Variants in EXOC7 observed in about 807,000 individuals in gnomAD.
EXOC7 encodes exocyst complex component Exo70.
EXOC7 carries 51 observed loss-of-function variants against 87.6 expected under a neutral mutation model. That is an observed-to-expected ratio of 0.58 (90% CI 0.46 to 0.73). EXOC7 has a LOEUF of 0.73. Among genes scored for constraint, EXOC7 ranks in the 30% least tolerant of loss-of-function variants. The probability of loss-of-function intolerance (pLI) is 0.00; values close to 1 mark genes in which losing one functional copy is unlikely to be tolerated. For missense variants in EXOC7, 744 were observed against 888.4 expected (o/e 0.84, Z 2.07); for synonymous variants, 327 against 357.1 (o/e 0.92, Z 0.95).
At chr17:76,101,642 G>A (rs1435817583) in intron 3 of EXOC7, 37 bp downstream of exon 3, 1 of 1,577,972 alleles carries the variant, frequency 6.3e-7, no homozygotes, top group Non-Finnish European at 8.6e-7. Context: ...GGCCCAGGAG[G>A]CATTAGGAAT....
chr17:76,102,493 G>C (rs1284194342), intron 2 of EXOC7, among the ~76,000 whole-genome samples: 1 of 151,670 alleles, frequency 6.6e-6, no homozygotes, highest in Non-Finnish European at 1.5e-5. Flanking sequence ...TACAGTCCCA[G>C]CTGCTAGGAG....
At chr17:76,100,897 C>A (rs2068026463) in intron 4 of EXOC7, 2 of 154,482 alleles carry the variant, frequency 1.3e-5, no homozygotes, top group South Asian at 4.1e-4. Flanking sequence ...GGGAGAATCA[C>A]ATGGACCTGG....
intron 4 of EXOC7, among the ~76,000 whole-genome samples, chr17:76,100,801 C>T (rs965984128): frequency 6.6e-6 from 1 of 151,884 alleles, no homozygotes. Flanking sequence ...GCCAACATGG[C>T]GAAACCCCGT....
rs376255016 is a variant in EXOC7, at chr17:76,083,674, C to T, written c.2029G>A (p.Asp677Asn). 19 of 1,613,718 alleles carry T rather than the reference C, an allele frequency of 1.2e-5. No individual in the cohort carries two copies. The highest frequency in any genetic ancestry group is 2.2e-5 in the East Asian group (1 of 44,886). The change falls in exon 19 of 19, where the codon GAT becomes AAT. Residue 677 changes from aspartate to asparagine, a missense_variant. Coordinates refer to ENST00000589210, the MANE Select transcript of EXOC7 (RefSeq NM_001013839.4). ...CAGGCAGAGGTGTCGAAAAGGCGAT[C>T]GATCATGTCGCCCACCTGCTCCACC... ...YGVEQVGDMI[D>N]RLFDTSA
In EXOC7 at chr17:76,081,288, A is replaced by AC; in HGVS notation, c.*2359_*2360insG. Reference sequence around the variant, plus strand: ...ATTCCCACCCCTCAGCGATGGAGTTAGAGTTCCAGGCCCACGTGGTGAACG... The same window carrying AC: ...ATTCCCACCCCTCAGCGATGGAGTTACGAGTTCCAGGCCCACGTGGTGAACG... On this transcript the variant is annotated 3_prime_UTR_variant, in exon 19 of 19. Coordinates refer to ENST00000589210, the MANE Select transcript of EXOC7 (RefSeq NM_001013839.4). The AC allele has an allele frequency of 6.2e-7, 1 of 1,613,908 alleles. No homozygotes were observed. The highest frequency in any genetic ancestry group is 8.5e-7 in the Non-Finnish European group (1 of 1,179,992).
chr17:76,085,194 G>T, intron 15 of EXOC7, 120 bp downstream of exon 15: 1 of 797,194 alleles, frequency 1.3e-6, no homozygotes, highest in Non-Finnish European at 2.0e-6. Context: ...CCAAGTGGAG[G>T]ATTAGGGTCC....
chr17:76,082,751 T>C lies in EXOC7; in HGVS notation c.*897A>G. The stretch of plus-strand genomic sequence containing the variant: ...GCCTCTGGATTAAGCCACCCTGAGC[T>C]CTCCCTCCGCTAGCACACAAGCACA... On this transcript the variant is annotated 3_prime_UTR_variant, in exon 19 of 19. Coordinates refer to ENST00000589210, the MANE Select transcript of EXOC7 (RefSeq NM_001013839.4). The C allele has an allele frequency of 8.3e-7, 1 of 1,207,848 alleles. No homozygotes were observed. Among genetic ancestry groups the C allele is most frequent in the Non-Finnish European group, 1.1e-6 (1 of 889,372 alleles). The allele number at this position is 1,207,848 out of a possible 1,614,324, so 74.8% of individuals were successfully genotyped here. A position where few individuals can be genotyped will look rare whatever the true frequency, so the allele number is the denominator to read the frequency against.
At chr17:76,086,609 C>G (rs1372743206) in intron 12 of EXOC7, among the ~76,000 whole-genome samples, 1 of 152,144 alleles carries the variant, frequency 6.6e-6, no homozygotes, top group Non-Finnish European at 1.5e-5. Flanking sequence ...CGAGTGGGGA[C>G]AGCAAGGCAG....
At chr17:76,086,846 C>T (rs1455589111) in intron 12 of EXOC7, 5 of 1,551,274 alleles carry the variant, frequency 3.2e-6, no homozygotes, top group East Asian at 2.4e-5. Context: ...CAGAACCGCA[C>T]TGCTTACCTC....
rs1485685073 is a variant in EXOC7, at chr17:76,084,535, C to A, written c.1758G>T (p.Val586=). 1 of 1,613,988 alleles carries A rather than the reference C, an allele frequency of 6.2e-7. No homozygotes were observed. The highest frequency in any genetic ancestry group is 8.5e-7 in the Non-Finnish European group (1 of 1,180,024). The change falls in exon 16 of 19, where the codon GTG becomes GTT. Residue 586 remains valine, a synonymous_variant. Coordinates refer to ENST00000589210, the MANE Select transcript of EXOC7 (RefSeq NM_001013839.4). The stretch of plus-strand genomic sequence containing the variant: ...AGCCCACCTTGACTCCCGGCTGGAA[C>A]ACAGGTAGATTCTTCTCTGCGATGT... The part of the protein sequence containing the change: ...TDYIAEKNLP[V]FQPGVKLRDK...
intron 4 of EXOC7, among the ~76,000 whole-genome samples, chr17:76,099,524 C>CA (rs1598345591): frequency 6.6e-6 from 1 of 151,704 alleles, no homozygotes; most frequent in South Asian, 2.1e-4. Context: ...CAAAACAAAA[C>CA]AAAAAACCAA....
chr17:76,081,403 G>T lies in EXOC7; in HGVS notation c.*2245C>A, dbSNP rs141382007. The T allele has an allele frequency of 3.4e-4, 554 of 1,614,082 alleles. No individual in the cohort carries two copies. Among genetic ancestry groups the T allele is most frequent in the Non-Finnish European group, 4.5e-4 (528 of 1,180,036 alleles). On this transcript the variant is annotated 3_prime_UTR_variant, in exon 19 of 19. Transcript: ENST00000589210. ...GCTGGTGCCCTGCTTCCAGGTGACG[G>T]TGAGTCAAGTCGGGAGGAGGCCGAC...
Position 76,088,558 on chromosome 17 carries a change from GT to G in EXOC7, c.1204del (p.Thr402ArgfsTer93). On this transcript the variant is annotated frameshift_variant, in exon 10 of 19. Transcript: ENST00000589210. LOFTEE classifies it high-confidence loss of function. ...KPEFDQVLQG[T>X]AASTKNKLPG... ...CAGCTTGTTCTTTGTGCTGGCAGCC[GT>G]GCCCTGAGGAAGCACAGGGGAGCCC... The G allele has an allele frequency of 6.2e-7, 1 of 1,612,996 alleles. No individual in the cohort carries two copies. Among genetic ancestry groups the G allele is most frequent in the Non-Finnish European group, 8.5e-7 (1 of 1,179,578 alleles).
At chr17:76,085,823 C>T in intron 13 of EXOC7, 26 bp from the exon 14 acceptor site, 1 of 1,604,082 alleles carries the variant, frequency 6.2e-7, no homozygotes, top group Non-Finnish European at 8.5e-7. Context: ...TGGGGCCACA[C>T]CCACCATGGC....
chr17:76,099,219 G>A (rs2067936216), intron 4 of EXOC7, among the ~76,000 whole-genome samples: 1 of 152,058 alleles, frequency 6.6e-6, no homozygotes, highest in South Asian at 2.1e-4. Context: ...AAGAAAATGT[G>A]GTCTGGCTGG....
Position 76,087,674 on chromosome 17 carries a change from C to A in EXOC7, c.1409G>T (p.Gly470Val). ...AGTACCTTGGGAGGCCAGCATGGCGCCTGCCGTCTCCTGGAAGTCCAAAAG... is the reference window on the plus strand; with the variant it reads ...AGTACCTTGGGAGGCCAGCATGGCGACTGCCGTCTCCTGGAAGTCCAAAAG... The part of the protein sequence containing the change: ...QQLLDFQETA[G>V]AMLASQETSS... Residue 470 changes from glycine to valine, a missense_variant, in exon 12 of 19, where the codon GGC becomes GTC. Coordinates refer to ENST00000589210, the MANE Select transcript of EXOC7 (RefSeq NM_001013839.4). 1 of 1,551,326 alleles carries A rather than the reference C, an allele frequency of 6.4e-7. No individual in the cohort carries two copies. The highest frequency in any genetic ancestry group is 8.7e-7 in the Non-Finnish European group (1 of 1,147,012).
At chr17:76,091,310 A>C (rs927459789) in intron 6 of EXOC7, 75 bp from the exon 7 acceptor site, 6 of 1,316,916 alleles carry the variant, frequency 4.6e-6, no homozygotes, top group Non-Finnish European at 6.6e-6. Flanking sequence ...GCGGCCCTCC[A>C]CCTGCCCCCC....
chr17:76,095,451 A>G (rs1176032579), intron 5 of EXOC7, among the ~76,000 whole-genome samples: 1 of 152,216 alleles, frequency 6.6e-6, no homozygotes, highest in African/African-American at 2.4e-5. Context: ...TAAGTTTTAA[A>G]TAGTACTTTT....
rs770044149 is a variant in EXOC7 at position 76,081,853 on chromosome 17, A to T, written c.*1795T>A. On this transcript the variant is annotated 3_prime_UTR_variant, in exon 19 of 19. Coordinates refer to ENST00000589210, the MANE Select transcript of EXOC7 (RefSeq NM_001013839.4). ...CCAGAGACACAGGGACTGGCCCCTG[A>T]GCATCTCCCTGTGCCCTGCCTCCCC... 6 of 1,608,216 alleles carry T rather than the reference A, an allele frequency of 3.7e-6. No homozygotes were observed. In the Admixed American group the frequency reaches 5.0e-5, roughly 14 times the overall value.
Sources: gnomAD v4.1 joint callset for allele counts (sites outside exome capture counted in the v4.1 genomes callset) on GRCh38, gnomAD v4.1.1 for gene constraint, MANE v1.5 for transcripts, NCBI Gene and HGNC (gene_info 2026-07-23, HGNC 2026-07-21) for gene names.